The following METTL15 variants were observed in gnomAD, a reference collection of about 807,000 sequenced individuals.
METTL15 encodes the protein methyltransferase 15, mitochondrial 12S rRNA N4-cytidine.
Under a neutral mutation model 38.3 loss-of-function variants are expected in METTL15, and 34 were observed. That is an observed-to-expected ratio of 0.89 (90% CI 0.68 to 1.18). METTL15 has a LOEUF of 1.18. METTL15 is among the 50% of genes most tolerant of loss of function. METTL15 has a pLI of 0.00. For synonymous variants in METTL15, 162 were observed against 170.9 expected, an observed-to-expected ratio of 0.95 and a Z score of 0.41; for missense variants, 438 against 498.4, an observed-to-expected ratio of 0.88 and a Z score of 1.15.
intron 6 of METTL15, among the ~76,000 whole-genome samples, chr11:28,313,421 TTAA>T (rs1179585766): frequency 1.3e-5 from 2 of 152,008 alleles, no homozygotes; most frequent in Non-Finnish European, 2.9e-5. Flanking sequence ...GAATTCATTA[TTAA>T]TAATCAATGA....
At chr11:28,260,907 G>C (rs1161574520) in intron 4 of METTL15, among the ~76,000 whole-genome samples, 1 of 152,128 alleles carries the variant, frequency 6.6e-6, no homozygotes, top group African/African-American at 2.4e-5. Context: ...GTAGACTATA[G>C]TTTGAGTTAA....
chr11:28,312,290 T>C (rs1365936162), intron 6 of METTL15, among the ~76,000 whole-genome samples: 1 of 152,210 alleles, frequency 6.6e-6, no homozygotes, highest in Non-Finnish European at 1.5e-5. Context: ...TAAACTGTTT[T>C]AGAGACAGCA....
intron 1 of METTL15, among the ~76,000 whole-genome samples, chr11:28,108,869 T>A (rs867428552): frequency 3.9e-5 from 6 of 152,332 alleles, no homozygotes; most frequent in Middle Eastern, 3.4e-3. Flanking sequence ...TATTTCAGCA[T>A]AGACACTTTA....
intron 5 of METTL15, among the ~76,000 whole-genome samples, chr11:28,369,657 C>T (rs1442164457): frequency 6.6e-6 from 1 of 152,098 alleles, no homozygotes; most frequent in Non-Finnish European, 1.5e-5. Flanking sequence ...AAGAAAACAA[C>T]CTGCCACACA....
rs1201258437 is a variant in METTL15, at chr11:28,134,424, A to T, written c.270+20820A>T. ...CTCTTAGTTGGCGGTGGACATATTT[A>T]GGCAAGGCCCCTGTGCAAGTTCCCT... On this transcript the variant is annotated intron_variant, in intron 3 of 6. Transcript: ENST00000407364. 4 of 396,874 alleles carry T rather than the reference A, an allele frequency of 1.0e-5. No homozygotes were observed. The South Asian group carries it at 5.5e-4, about 55-fold the overall frequency. 24.6% of individuals were successfully genotyped at this position (396,874 alleles called of 1,614,324 possible).
intron 3 of METTL15, among the ~76,000 whole-genome samples, chr11:28,117,747 G>C (rs1192484620): frequency 6.6e-6 from 1 of 152,100 alleles, no homozygotes; most frequent in African/African-American, 2.4e-5. Context: ...CTTTTCTGCT[G>C]TCTGGCAGAC....
At chr11:28,367,779 A>C (rs1850201028) in intron 5 of METTL15, among the ~76,000 whole-genome samples, 1 of 152,194 alleles carries the variant, frequency 6.6e-6, no homozygotes, top group Non-Finnish European at 1.5e-5. Flanking sequence ...CAGAGGCCTA[A>C]GAAATAACAC....
intron 6 of METTL15, among the ~76,000 whole-genome samples, chr11:28,472,499 A>G (rs1851311649): frequency 6.6e-6 from 1 of 152,194 alleles, no homozygotes; most frequent in Non-Finnish European, 1.5e-5. Context: ...GATTCCATGA[A>G]GAAATTCAAA....
intron 3 of METTL15, among the ~76,000 whole-genome samples, chr11:28,188,071 C>T (rs1048331367): frequency 6.6e-6 from 1 of 151,238 alleles, no homozygotes. Flanking sequence ...GGTTGAAATT[C>T]TATTCATTGC....
At position 28,427,223 on chromosome 11, in the gene METTL15, T is replaced by G. The variant is rs118101299; in HGVS notation, c.*424+2859T>G. Reference sequence around the variant, plus strand: ...TCCCCATTGTTTGTTTTTGTCAGGTTGTCAAAGATCAGATGGTTGTAGGTC... The same window carrying G: ...TCCCCATTGTTTGTTTTTGTCAGGTGGTCAAAGATCAGATGGTTGTAGGTC... On this transcript the variant is annotated intron_variant and NMD_transcript_variant, in intron 6 of 7. Transcript: ENST00000532947. 9.0e-3 allele frequency among the ~76,000 whole-genome samples: 1,375 copies of G among 152,344 alleles called. 15 individuals are homozygous for G. Among genetic ancestry groups the G allele is most frequent in the Non-Finnish European group, 0.016 (1,106 of 68,034 alleles).
intron 6 of METTL15, among the ~76,000 whole-genome samples, chr11:28,517,737 G>A (rs1026782050): frequency 7.9e-5 from 12 of 152,288 alleles, no homozygotes; most frequent in Middle Eastern, 3.4e-3. Context: ...AATGAAAGGC[G>A]AAACAAAACA....
chr11:28,310,955 G>GGGT (rs1857268385), intron 6 of METTL15, among the ~76,000 whole-genome samples: 2 of 137,284 alleles, frequency 1.5e-5, no homozygotes, highest in African/African-American at 2.9e-5. Flanking sequence ...TGGTGGTGGT[G>GGGT]GTGGTGGTGG....
At chr11:28,495,696 T>C (rs1310571925) in intron 6 of METTL15, among the ~76,000 whole-genome samples, 4 of 151,964 alleles carry the variant, frequency 2.6e-5, no homozygotes, top group African/African-American at 9.7e-5. Flanking sequence ...CCATAGTCTT[T>C]CCTAATAACA....
intron 4 of METTL15, among the ~76,000 whole-genome samples, chr11:28,235,332 A>T (rs932701442): frequency 2.0e-5 from 3 of 151,926 alleles, no homozygotes; most frequent in African/African-American, 7.3e-5. Context: ...GTTTTTTCCA[A>T]TTCTGTGAAG....
At chr11:28,526,226 G>A (rs1851810374) in intron 6 of METTL15, among the ~76,000 whole-genome samples, 1 of 152,228 alleles carries the variant, frequency 6.6e-6, no homozygotes, top group Non-Finnish European at 1.5e-5. Flanking sequence ...CCAGAGAGGG[G>A]TCCCCACAGT....
intron 6 of METTL15, among the ~76,000 whole-genome samples, chr11:28,316,683 T>C (rs1857492352): frequency 6.6e-6 from 1 of 152,170 alleles, no homozygotes; most frequent in East Asian, 1.9e-4. Context: ...CATAATTCAA[T>C]GTGTTGTGGG....
At chr11:28,424,939 G>T (rs577793989) in intron 6 of METTL15, among the ~76,000 whole-genome samples, 1 of 152,302 alleles carries the variant, frequency 6.6e-6, no homozygotes, top group South Asian at 2.1e-4. Context: ...GTTGGTTGTA[G>T]AAGACTTGTT....
chr11:28,358,139 C>T (rs1850105488), intron 4 of METTL15, among the ~76,000 whole-genome samples: 1 of 151,916 alleles, frequency 6.6e-6, no homozygotes, highest in African/African-American at 2.4e-5. Context: ...TGAAGGAGAC[C>T]ATGTTTCACA....
At chr11:28,345,301 A>G (rs1318504575) in intron 3 of METTL15, among the ~76,000 whole-genome samples, 1 of 152,072 alleles carries the variant, frequency 6.6e-6, no homozygotes, top group Non-Finnish European at 1.5e-5. Flanking sequence ...CGATTCTTGT[A>G]TCTCAGCCTC....
Sources: allele counts gnomAD v4.1 joint callset (sites outside exome capture counted in the v4.1 genomes callset), GRCh38; gene constraint gnomAD v4.1.1; transcripts MANE v1.5; gene names NCBI Gene and HGNC (gene_info 2026-07-23, HGNC 2026-07-21).